Variants in MET observed in about 807,000 individuals in gnomAD.
The protein encoded by MET is MET proto-oncogene, receptor tyrosine kinase.
MET carries 48 observed loss-of-function variants against 133.1 expected under a neutral mutation model. The observed-to-expected ratio is 0.36, with a 90% confidence interval of 0.29 to 0.46. The LOEUF (loss-of-function observed/expected upper bound fraction) is 0.46. MET is among the 20% of genes least tolerant of loss of function. MET has a pLI of 1.00. For synonymous variants in MET, 628 were observed against 616.5 expected (o/e 1.02, Z -0.28); for missense variants, 1,442 against 1,695.9 (o/e 0.85, Z 2.63).
chr7:116,731,650 G>T lies in MET; in HGVS notation c.1201-18G>T. 1 of 1,613,632 alleles carries T rather than the reference G, an allele frequency of 6.2e-7. No homozygotes were observed. Among genetic ancestry groups the T allele is most frequent in the South Asian group, 1.1e-5 (1 of 90,996 alleles). On this transcript the variant is annotated intron_variant, in intron 2 of 20. Transcript: ENST00000397752. ...ATGTCTGGATTCACATTAACTCTATGACCATATTTTATTCCAGACACTTCT... is the reference window on the plus strand; with the variant it reads ...ATGTCTGGATTCACATTAACTCTATTACCATATTTTATTCCAGACACTTCT...
chr7:116,680,968 G>C (rs979650542), intron 1 of MET, among the ~76,000 whole-genome samples: 5 of 151,916 alleles, frequency 3.3e-5, no homozygotes, highest in African/African-American at 4.8e-5. Flanking sequence ...GGAGGGTATG[G>C]AATAAAGTAA....
At chr7:116,762,304 C>T (rs1363132403) in intron 10 of MET, among the ~76,000 whole-genome samples, 1 of 152,200 alleles carries the variant, frequency 6.6e-6, no homozygotes, top group East Asian at 1.9e-4. Context: ...TATTCTGCCA[C>T]TCCAAGCTGT....
At chr7:116,760,959 A>G (rs1376879216) in intron 10 of MET, among the ~76,000 whole-genome samples, 1 of 152,206 alleles carries the variant, frequency 6.6e-6, no homozygotes, top group African/African-American at 2.4e-5. Flanking sequence ...TTAACCAAAT[A>G]AGAATAATAG....
intron 11 of MET, among the ~76,000 whole-genome samples, chr7:116,766,317 G>C (rs939392609): frequency 1.3e-5 from 2 of 152,184 alleles, no homozygotes; most frequent in Non-Finnish European, 2.9e-5. Flanking sequence ...GAGAAGTCAG[G>C]TCAAACAGGA....
At chr7:116,708,455 T>C (rs1286864691) in intron 2 of MET, among the ~76,000 whole-genome samples, 14 of 152,206 alleles carry the variant, frequency 9.2e-5, no homozygotes, top group Admixed American at 8.5e-4. Flanking sequence ...CATACTATCT[T>C]ACACTTAGAA....
In MET at chr7:116,759,523, C is replaced by T. The variant is rs766890763; in HGVS notation, c.2364+33C>T. 7 of 1,602,874 alleles carry T rather than the reference C, an allele frequency of 4.4e-6. No individual in the cohort carries two copies. The South Asian group carries it at 5.6e-5, about 13-fold the overall frequency. On this transcript the variant is annotated intron_variant, in intron 10 of 20. Coordinates refer to ENST00000397752, the MANE Select transcript of MET (RefSeq NM_000245.4). ...CTTTGAGCAATGGTTCTACTCAGAGCTCTGCATCTTTGCCTCTAACCATGT... is the reference window on the plus strand; with the variant it reads ...CTTTGAGCAATGGTTCTACTCAGAGTTCTGCATCTTTGCCTCTAACCATGT...
chr7:116,681,108 A>G (rs1488031501), intron 1 of MET, among the ~76,000 whole-genome samples: 1 of 152,158 alleles, frequency 6.6e-6, no homozygotes, highest in Non-Finnish European at 1.5e-5. Context: ...GGAGAAAGAT[A>G]GACTATCATC....
intron 1 of MET, among the ~76,000 whole-genome samples, chr7:116,685,760 C>T (rs1185113109): frequency 1.3e-5 from 2 of 152,160 alleles, no homozygotes; most frequent in African/African-American, 4.8e-5. Flanking sequence ...TACAAACATG[C>T]TTCACCAACC....
intron 1 of MET, among the ~76,000 whole-genome samples, chr7:116,679,978 T>G (rs1444523758): frequency 6.6e-6 from 1 of 152,216 alleles, no homozygotes; most frequent in Non-Finnish European, 1.5e-5. Context: ...GAATTTCTAA[T>G]GGCTCATCAC....
At chr7:116,760,759 A>G (rs778261185) in intron 10 of MET, among the ~76,000 whole-genome samples, 6 of 152,180 alleles carry the variant, frequency 3.9e-5, no homozygotes, top group African/African-American at 1.2e-4. Context: ...AATCAGCCAC[A>G]TTGCATCACC....
Position 116,782,139 on chromosome 7 carries a change from C to G in MET, c.3632+42C>G, listed in dbSNP as rs376183825. 67 of 1,349,120 alleles carry G rather than the reference C, an allele frequency of 5.0e-5. No individual in the cohort carries two copies. The African/African-American group carries it at 7.7e-4, about 16-fold the overall frequency. The allele number at this position is 1,349,120 out of a possible 1,614,324, so 83.6% of individuals were successfully genotyped here. A position where few individuals can be genotyped will look rare whatever the true frequency, so the allele number is the denominator to read the frequency against. On this transcript the variant is annotated intron_variant, in intron 18 of 20. Transcript: ENST00000397752. ...CTGTGCCACAATCCAAATTAAGTGA[C>G]AAGGAGGAATCTGTTTCCCACTGTT...
intron 1 of MET, among the ~76,000 whole-genome samples, chr7:116,697,514 AG>A (rs1412211697): frequency 6.6e-6 from 1 of 152,208 alleles, no homozygotes; most frequent in African/African-American, 2.4e-5. Context: ...GACTATTAGT[AG>A]GGTAAAATTA....
chr7:116,747,925 A>G (rs1044455778), intron 5 of MET, among the ~76,000 whole-genome samples: 3 of 152,174 alleles, frequency 2.0e-5, no homozygotes, highest in Admixed American at 1.3e-4. Flanking sequence ...AGATGACACT[A>G]CAATCAAATT....
At position 116,699,993 on chromosome 7, in the gene MET, G is replaced by C. The variant is rs1200423161; in HGVS notation, c.909G>C (p.Lys303Asn). The C allele has an allele frequency of 6.2e-7, 1 of 1,614,014 alleles. No individual in the cohort carries two copies. Among genetic ancestry groups the C allele is most frequent in the Non-Finnish European group, 8.5e-7 (1 of 1,179,966 alleles). Reference protein sequence around the residue: ...EMPLECILTEKRKKRSTKKEV... With the variant: ...EMPLECILTENRKKRSTKKEV... ...CTCTGGAGTGTATTCTCACAGAAAA[G>C]AGAAAAAAGAGATCCACAAAGAAGG... The change falls in exon 2 of 21, where the codon AAG becomes AAC. Residue 303 changes from lysine (K) to asparagine (N), a missense_variant. Lys to Asn is a moderately conservative substitution (Grantham distance 94). This residue lies in a region of MET where 762 missense variants were observed against 792.4 expected (regional missense o/e 0.96). Transcript: ENST00000397752.
intron 2 of MET, among the ~76,000 whole-genome samples, chr7:116,705,737 T>G (rs144076992): frequency 6.6e-6 from 1 of 152,274 alleles, no homozygotes; most frequent in African/African-American, 2.4e-5. Context: ...TACATTTCAT[T>G]TCTTTTTCTT....
At chr7:116,725,045 A>C (rs1792686604) in intron 2 of MET, among the ~76,000 whole-genome samples, 1 of 152,190 alleles carries the variant, frequency 6.6e-6, no homozygotes, top group Non-Finnish European at 1.5e-5. Context: ...TTCTTCTTTT[A>C]GACAAGGCTC....
Position 116,774,914 on chromosome 7 carries a change from G to A in MET, c.3062G>A (p.Cys1021Tyr), listed in dbSNP as rs2117029854. Residue 1021 changes from cysteine to tyrosine, a missense_variant, in exon 15 of 21, where the codon TGC becomes TAC. This residue lies in a region of MET where 514 missense variants were observed against 659.6 expected (regional missense o/e 0.78). Transcript: ENST00000397752. ...QFPNSSQNGS[C>Y]RQVQYPLTDM... is the part of the protein sequence containing the mutation. The stretch of plus-strand genomic sequence containing the variant: ...CCTAATTCATCTCAGAACGGTTCAT[G>A]CCGACAAGTGCAGTATCCTCTGACA... 1.2e-6 allele frequency: 2 copies of A among 1,614,120 alleles called. No individual in the cohort carries two copies. The highest frequency in any genetic ancestry group is 1.7e-6 in the Non-Finnish European group (2 of 1,179,984).
At chr7:116,683,450 C>T (rs1321841155) in intron 1 of MET, among the ~76,000 whole-genome samples, 1 of 152,174 alleles carries the variant, frequency 6.6e-6, no homozygotes, top group Non-Finnish European at 1.5e-5. Flanking sequence ...TCACCTCTTA[C>T]TCAACTTACT....
chr7:116,715,842 A>G (rs1041597488), intron 2 of MET, among the ~76,000 whole-genome samples: 2 of 152,230 alleles, frequency 1.3e-5, no homozygotes, highest in Non-Finnish European at 2.9e-5. Context: ...GAAGGTATTT[A>G]GGGAGCATTA....
Sources: gnomAD v4.1 joint callset for allele counts (sites outside exome capture counted in the v4.1 genomes callset) on GRCh38, gnomAD v4.1.1 for gene constraint, gnomAD v4.1.1 regional missense constraint, MANE v1.5 for transcripts, NCBI Gene and HGNC (gene_info 2026-07-23, HGNC 2026-07-21) for gene names.